Variants in CSMD3 observed in about 807,000 individuals in gnomAD.
The protein encoded by CSMD3 is CUB and Sushi multiple domains 3.
CSMD3 carries 177 observed loss-of-function variants against 435.2 expected under a neutral mutation model. The observed-to-expected ratio is 0.41, with a 90% CI of 0.36 to 0.46. CSMD3 has a LOEUF of 0.46. CSMD3 is among the 20% of genes least tolerant of loss of function. The pLI is 0.34. For synonymous variants in CSMD3, 1,656 were observed against 1,520.5 expected (o/e 1.09, Z -2.07); for missense variants, 4,265 against 4,504.6 (o/e 0.95, Z 1.52).
chr8:112,297,275 T>G (rs1246860478), intron 53 of CSMD3, among the ~76,000 whole-genome samples: 1 of 147,676 alleles, frequency 6.8e-6, no homozygotes, highest in Admixed American at 6.7e-5. Context: ...AATTAAAAAG[T>G]ACCAAAGTCC....
At chr8:113,167,057 G>A (rs2092165093) in intron 4 of CSMD3, among the ~76,000 whole-genome samples, 1 of 151,900 alleles carries the variant, frequency 6.6e-6, no homozygotes, top group South Asian at 2.1e-4. Context: ...TCTTCTCAGT[G>A]GCAGAATATG....
At chr8:112,608,043 A>G (rs1832935742) in intron 22 of CSMD3, among the ~76,000 whole-genome samples, 1 of 152,120 alleles carries the variant, frequency 6.6e-6, no homozygotes, top group African/African-American at 2.4e-5. Flanking sequence ...GTCATCTTAC[A>G]TATAGAAAAC....
chr8:112,423,149 TC>T (rs1812696413), intron 32 of CSMD3, among the ~76,000 whole-genome samples: 2 of 152,170 alleles, frequency 1.3e-5, no homozygotes, highest in Admixed American at 6.5e-5. Context: ...ATTTTTTTTT[TC>T]TTTTCAGAAA....
intron 3 of CSMD3, among the ~76,000 whole-genome samples, chr8:113,193,414 T>A (rs183359035): frequency 6.6e-6 from 1 of 151,508 alleles, no homozygotes; most frequent in Admixed American, 6.6e-5. Flanking sequence ...CACCAATTCA[T>A]TAGACTTCCA....
chr8:112,950,767 G>A (rs1467631473), intron 8 of CSMD3, among the ~76,000 whole-genome samples: 9 of 151,922 alleles, frequency 5.9e-5, no homozygotes, highest in African/African-American at 2.2e-4. Flanking sequence ...AGTCTGATTT[G>A]AGAAATTCTA....
At chr8:113,375,355 T>C (rs1454733218) in intron 1 of CSMD3, among the ~76,000 whole-genome samples, 1 of 152,196 alleles carries the variant, frequency 6.6e-6, no homozygotes, top group Non-Finnish European at 1.5e-5. Context: ...TTTGTGCTAA[T>C]GTCTGCCAAG....
At chr8:113,004,980 CA>C (rs1435862235) in intron 6 of CSMD3, among the ~76,000 whole-genome samples, 1 of 151,410 alleles carries the variant, frequency 6.6e-6, no homozygotes, top group East Asian at 1.9e-4. Flanking sequence ...TGTTATACAT[CA>C]TTATATATAT....
chr8:113,283,801 C>T (rs2132486622), intron 2 of CSMD3, among the ~76,000 whole-genome samples: 1 of 152,210 alleles, frequency 6.6e-6, no homozygotes, highest in African/African-American at 2.4e-5. Flanking sequence ...CAGCACAATT[C>T]ACAATTGTAA....
chr8:112,655,447 A>G (rs970885740), intron 18 of CSMD3, among the ~76,000 whole-genome samples: 33 of 152,208 alleles, frequency 2.2e-4, no homozygotes, highest in African/African-American at 6.7e-4. Flanking sequence ...CATAAATCTT[A>G]TGCAATATAG....
At chr8:112,682,248 A>C (rs1027247350) in intron 16 of CSMD3, among the ~76,000 whole-genome samples, 194 bp downstream of exon 16, 1 of 152,162 alleles carries the variant, frequency 6.6e-6, no homozygotes, top group Non-Finnish European at 1.5e-5. Context: ...AGCTTCTAAA[A>C]GGTTTCTAAA....
At chr8:112,553,839 T>A (rs2131209103) in intron 25 of CSMD3, among the ~76,000 whole-genome samples, 1 of 152,116 alleles carries the variant, frequency 6.6e-6, no homozygotes, top group South Asian at 2.1e-4. Flanking sequence ...TAACTTGTTT[T>A]AAAAATTTTA....
chr8:113,124,481 G>T (rs1184156334), intron 4 of CSMD3, among the ~76,000 whole-genome samples: 1 of 85,910 alleles, frequency 1.2e-5, no homozygotes, highest in Non-Finnish European at 2.0e-5. Context: ...AATAAACCTT[G>T]TGGGAAAAAA....
rs2130160496 is a variant in CSMD3, at chr8:113,436,886, A to G, written c.-32T>C. 6.2e-7 allele frequency: 1 copy of G among 1,612,076 alleles called. No homozygotes were observed. The highest frequency in any genetic ancestry group is 8.5e-7 in the Non-Finnish European group (1 of 1,179,190). ...CGCGAGCTCCTAATTCCTGCTCCTC[A>G]GCCCGGCGCAGTGGAGTTGTTGCTG... On this transcript the variant is annotated 5_prime_UTR_variant, in exon 1 of 71. Coordinates refer to ENST00000297405, the MANE Select transcript of CSMD3 (RefSeq NM_198123.2).
At chr8:112,647,553 G>A (rs1197091994) in intron 19 of CSMD3, among the ~76,000 whole-genome samples, 1 of 151,986 alleles carries the variant, frequency 6.6e-6, no homozygotes, top group Admixed American at 6.6e-5. Flanking sequence ...TGATCCTCCC[G>A]CCTCTGCCTC....
At chr8:112,711,151 T>C (rs142166972) in intron 13 of CSMD3, among the ~76,000 whole-genome samples, 5 of 152,248 alleles carry the variant, frequency 3.3e-5, no homozygotes, top group East Asian at 1.9e-4. Flanking sequence ...CAAATGAAGA[T>C]AGCCTAACAA....
At chr8:112,601,663 T>C (rs1223343362) in intron 22 of CSMD3, among the ~76,000 whole-genome samples, 1 of 152,132 alleles carries the variant, frequency 6.6e-6, no homozygotes. Context: ...GGATTGTGAT[T>C]GGCTGAGAAA....
At chr8:112,742,114 C>T (rs2077326217) in intron 13 of CSMD3, among the ~76,000 whole-genome samples, 1 of 151,536 alleles carries the variant, frequency 6.6e-6, no homozygotes, top group African/African-American at 2.4e-5. Flanking sequence ...TTTCCACCTC[C>T]ACCCCCTCCG....
At chr8:112,260,551 T>C (rs1211051156) in intron 61 of CSMD3, among the ~76,000 whole-genome samples, 1 of 152,166 alleles carries the variant, frequency 6.6e-6, no homozygotes, top group African/African-American at 2.4e-5. Flanking sequence ...CAAAACACCA[T>C]ATCAAGATAA....
chr8:112,372,315 T>G (rs772281274), intron 38 of CSMD3, among the ~76,000 whole-genome samples: 2 of 152,050 alleles, frequency 1.3e-5, no homozygotes, highest in Non-Finnish European at 2.9e-5. Context: ...AAGAAATCAG[T>G]GTTGGAATAA....
Sources: gnomAD v4.1 joint callset for allele counts (sites outside exome capture counted in the v4.1 genomes callset) on GRCh38, gnomAD v4.1.1 for gene constraint, MANE v1.5 for transcripts, NCBI Gene and HGNC (gene_info 2026-07-23, HGNC 2026-07-21) for gene names.